The following IL17RE variants were observed in gnomAD, a reference collection of about 807,000 sequenced individuals.
IL17RE encodes the protein interleukin 17 receptor E.
A neutral mutation model predicts 70.7 loss-of-function variants in IL17RE; 47 were observed. The observed-to-expected ratio is 0.67, with a 90% CI of 0.53 to 0.85. The LOEUF (loss-of-function observed/expected upper bound fraction) is 0.85, where lower values mean the gene tolerates loss of function less well. Ranked by LOEUF, IL17RE falls within the 40% of genes least tolerant of loss-of-function variation. The pLI is 0.00. For missense variants in IL17RE, 850 were observed against 893.9 expected (o/e 0.95, Z 0.63); for synonymous variants, 372 against 381.2 (o/e 0.98, Z 0.28).
rs548739335 is a variant in IL17RE, at chr3:9,915,095, G to C, written c.1448-156G>C. Among the ~76,000 whole-genome samples the C allele has an allele frequency of 6.6e-6, 1 of 152,118 alleles. No individual in the cohort carries two copies. Among genetic ancestry groups the C allele is most frequent in the South Asian group, 2.1e-4 (1 of 4,812 alleles). ...CTAATTAGCCCATAAGCACCCTATA[G>C]GCTAGGGCTGTTTTCGGTACCAACC... is the stretch of plus-strand genomic sequence containing the variant. On this transcript the variant is annotated intron_variant, in intron 15 of 15. Transcript: ENST00000383814. The surrounding 1 kb of genome is among the most constrained non-coding windows in gnomAD (Gnocchi z 4.9).
Position 9,912,504 on chromosome 3 carries a change from G to A in IL17RE, c.1227+907G>A, listed in dbSNP as rs190221167. Among the ~76,000 whole-genome samples, 33 of 152,304 alleles carry A rather than the reference G, an allele frequency of 2.2e-4. No homozygotes were observed. In the South Asian group the frequency reaches 4.3e-3, roughly 20 times the overall value. ...ACTATTGACAAATTTCACCTGTTAC[G>A]TAACTAGGAGCACTTTATCAGACTA... On this transcript the variant is annotated intron_variant, in intron 12 of 15. Transcript: ENST00000383814.
chr3:9,902,956 C>T lies in IL17RE; in HGVS notation c.24C>T (p.Ala8=), dbSNP rs759966811. 53 of 1,614,116 alleles carry T rather than the reference C, an allele frequency of 3.3e-5. No homozygotes were observed. The highest frequency in any genetic ancestry group is 4.2e-5 in the Non-Finnish European group (50 of 1,180,042). The change falls in exon 1 of 16, where the codon GCC becomes GCT. Residue 8 remains alanine (A), a synonymous_variant. Transcript: ENST00000383814. The part of the protein sequence containing the change: MGSSRLA[A]LLLPLLLIVI... ...CCATGGGGAGCTCCAGACTGGCAGC[C>T]CTGCTCCTGCCTCTCCTCCTCATAG...
Position 9,915,937 on chromosome 3 carries a change from C to G in IL17RE, c.*130C>G. 1 of 1,319,798 alleles carries G rather than the reference C, an allele frequency of 7.6e-7. No homozygotes were observed. The highest frequency in any genetic ancestry group is 9.7e-7 in the Non-Finnish European group (1 of 1,035,150). 81.8% of individuals were successfully genotyped at this position (1,319,798 alleles called of 1,614,324 possible). On this transcript the variant is annotated 3_prime_UTR_variant, in exon 16 of 16. Coordinates refer to ENST00000383814, the MANE Select transcript of IL17RE (RefSeq NM_153480.2). This position sits in a 1 kb window ranked among gnomAD's most constrained non-coding sequence, Gnocchi z 4.9. ...GGACGACTGGCCGAAAAGCCGCATT[C>G]CCTGCCTCACAGGCCGGAAGTCCCA...
At position 9,904,209 on chromosome 3, in the gene IL17RE, C is replaced by A. The variant is rs757060761; in HGVS notation, c.268+58C>A. 31 of 1,592,768 alleles carry A rather than the reference C, an allele frequency of 1.9e-5. No homozygotes were observed. In the Admixed American group the frequency reaches 2.2e-4, roughly 11 times the overall value. ...TGAAGAGAACATTTTGAGGGACCACCTAGGCTGAGCAAGTGGGACTTACTA... is the reference window on the plus strand; with the variant it reads ...TGAAGAGAACATTTTGAGGGACCACATAGGCTGAGCAAGTGGGACTTACTA... On this transcript the variant is annotated intron_variant, in intron 3 of 15. Coordinates refer to ENST00000383814, the MANE Select transcript of IL17RE (RefSeq NM_153480.2).
rs2082991874 is a variant in IL17RE, at chr3:9,915,170, C to CGGTAT, written c.1448-80_1448-76dup. On this transcript the variant is annotated intron_variant, in intron 15 of 15. Transcript: ENST00000383814. This position sits in a 1 kb window ranked among gnomAD's most constrained non-coding sequence, Gnocchi z 4.9. ...CGGGGGCGGAGAGGCGAGCACCCTA[C>CGGTAT]GGTATCCCGAGAGGGTGGGGAGAAG... 1 of 1,340,452 alleles carries CGGTAT rather than the reference C, an allele frequency of 7.5e-7. No individual in the cohort carries two copies. Among genetic ancestry groups the CGGTAT allele is most frequent in the Admixed American group, 3.7e-5 (1 of 27,118 alleles). 83.0% of individuals were successfully genotyped at this position (1,340,452 alleles called of 1,614,324 possible).
chr3:9,902,330 C>T (rs1207790300), upstream of IL17RE, among the ~76,000 whole-genome samples: 2 of 152,138 alleles, frequency 1.3e-5, no homozygotes, highest in Non-Finnish European at 2.9e-5. Context: ...GGACCTGGCT[C>T]ATGGGTAGAG....
At chr3:9,912,676 G>A (rs1215511642) in intron 12 of IL17RE, among the ~76,000 whole-genome samples, 1 of 152,158 alleles carries the variant, frequency 6.6e-6, no homozygotes, top group Non-Finnish European at 1.5e-5. Context: ...TTGTATGAGG[G>A]CTCCCAAGCA....
Position 9,915,943 on chromosome 3 carries a change from C to T in IL17RE, c.*136C>T. 1 of 1,317,184 alleles carries T rather than the reference C, an allele frequency of 7.6e-7. No individual in the cohort carries two copies. The highest frequency in any genetic ancestry group is 9.7e-7 in the Non-Finnish European group (1 of 1,033,092). The allele number at this position is 1,317,184 out of a possible 1,614,324, so 81.6% of individuals were successfully genotyped here. A position where few individuals can be genotyped will look rare whatever the true frequency, so the allele number is the denominator to read the frequency against. On this transcript the variant is annotated 3_prime_UTR_variant, in exon 16 of 16. Coordinates refer to ENST00000383814, the MANE Select transcript of IL17RE (RefSeq NM_153480.2). The surrounding 1 kb of genome is among the most constrained non-coding windows in gnomAD (Gnocchi z 4.9). ...CTGGCCGAAAAGCCGCATTCCCTGCCTCACAGGCCGGAAGTCCCAGCCCAG... is the reference window on the plus strand; with the variant it reads ...CTGGCCGAAAAGCCGCATTCCCTGCTTCACAGGCCGGAAGTCCCAGCCCAG...
chr3:9,911,662 A>T (rs1238207619), intron 12 of IL17RE, 65 bp downstream of exon 12: 3 of 1,442,448 alleles, frequency 2.1e-6, no homozygotes, highest in Non-Finnish European at 9.5e-7. Flanking sequence ...TTGTGACCTC[A>T]TTGAGATAGA....
At chr3:9,909,194 C>G (rs541416497) in intron 7 of IL17RE, 23 bp from the exon 8 acceptor site, 14 of 1,605,930 alleles carry the variant, frequency 8.7e-6, no homozygotes, top group African/African-American at 4.0e-5. Context: ...TCTGACCCTC[C>G]CCACCTGCTC....
Sources: allele counts gnomAD v4.1 joint callset (sites outside exome capture counted in the v4.1 genomes callset), GRCh38; gene constraint gnomAD v4.1.1; non-coding constraint Gnocchi (gnomAD v3.1); transcripts MANE v1.5; gene names NCBI Gene and HGNC (gene_info 2026-07-23, HGNC 2026-07-21).